Variants in SLC7A7 observed in about 807,000 individuals in gnomAD.
The protein encoded by SLC7A7 is Y+L amino acid transporter 1.
Under a neutral mutation model 47.9 loss-of-function variants are expected in SLC7A7, and 39 were observed. The observed-to-expected ratio is 0.81, with a 90% CI of 0.63 to 1.06. The LOEUF (loss-of-function observed/expected upper bound fraction) is 1.06. Among genes scored for constraint, SLC7A7 ranks in the 50% least tolerant of loss-of-function variants. SLC7A7 has a pLI of 0.00. For missense variants in SLC7A7, 588 were observed against 632.0 expected, an observed-to-expected ratio of 0.93 and a Z score of 0.75; for synonymous variants, 234 against 242.8, an observed-to-expected ratio of 0.96 and a Z score of 0.34.
At chr14:22,814,486 A>G (rs1391901671) in intron 1 of SLC7A7, among the ~76,000 whole-genome samples, 1 of 151,406 alleles carries the variant, frequency 6.6e-6, no homozygotes, top group Non-Finnish European at 1.5e-5. Context: ...CTCTGTCTCA[A>G]AAAAAAAACA....
chr14:22,784,401 C>T (rs189410310), intron 2 of SLC7A7, among the ~76,000 whole-genome samples: 3 of 152,224 alleles, frequency 2.0e-5, no homozygotes, highest in South Asian at 2.1e-4. Flanking sequence ...GGACAGATCA[C>T]GAGGTCAAGA....
At chr14:22,815,594 C>T, upstream of SLC7A7, 4 of 453,970 alleles carry the variant, frequency 8.8e-6, no homozygotes, top group Non-Finnish European at 1.8e-5. Context: ...GCTAGGAGCT[C>T]TTGGCTCAGC....
upstream of SLC7A7, among the ~76,000 whole-genome samples, chr14:22,818,582 G>T (rs114205382): frequency 0.19 from 14,256 of 74,628 alleles, 1,059 homozygotes; most frequent in East Asian, 0.36. Context: ...CCAGGTTTTT[G>T]GTTTTTTTTT....
intron 2 of SLC7A7, among the ~76,000 whole-genome samples, chr14:22,796,406 C>T (rs538877778): frequency 1.4e-4 from 21 of 152,270 alleles, no homozygotes; most frequent in South Asian, 6.2e-4. Context: ...CCACCAGCAC[C>T]CTGAAAGGCA....
Position 22,812,759 on chromosome 14 carries a change from A to G in SLC7A7, c.499+141T>C, listed in dbSNP as rs1342291667. 23 of 563,468 alleles carry G rather than the reference A, an allele frequency of 4.1e-5. 1 individual carries two copies. In the East Asian group the frequency reaches 8.3e-4, roughly 20 times the overall value. 34.9% of individuals were successfully genotyped at this position (563,468 alleles called of 1,614,324 possible). A position where few individuals can be genotyped will look rare whatever the true frequency, so the allele number is the denominator to read the frequency against. On this transcript the variant is annotated intron_variant, in intron 2 of 9. Coordinates refer to ENST00000674313, the MANE Select transcript of SLC7A7 (RefSeq NM_003982.4). Reference sequence around the variant, plus strand: ...TGTGGTACTGTTTGAATTTTCACACAAAGCATACTTTAACTATATATATAT... The same window carrying G: ...TGTGGTACTGTTTGAATTTTCACACGAAGCATACTTTAACTATATATATAT...
At chr14:22,800,515 G>A (rs920537367) in intron 2 of SLC7A7, among the ~76,000 whole-genome samples, 1 of 152,228 alleles carries the variant, frequency 6.6e-6, no homozygotes, top group African/African-American at 2.4e-5. Context: ...CACTTTGGGT[G>A]CTACAACACT....
chr14:22,813,336 A>T lies in SLC7A7; in HGVS notation c.63T>A (p.Gly21=), dbSNP rs1566464647. The T allele has an allele frequency of 6.2e-7, 1 of 1,613,812 alleles. No individual in the cohort carries two copies. Among genetic ancestry groups the T allele is most frequent in the Admixed American group, 1.7e-5 (1 of 59,990 alleles). ...GCTCCGGCCCTGGGCTGGCCCCATC[A>T]CCCAAAGGGGAGGTTTCCACCTCAG... ...SQPEVETSPL[G]DGASPGPEQV... Residue 21 remains glycine, a synonymous_variant, in exon 2 of 10, where the codon GGT becomes GGA. Transcript: ENST00000674313.
At chr14:22,783,873 G>A (rs1421085623) in intron 2 of SLC7A7, among the ~76,000 whole-genome samples, 1 of 152,216 alleles carries the variant, frequency 6.6e-6, no homozygotes, top group African/African-American at 2.4e-5. Flanking sequence ...GAATCCTACA[G>A]AAAGAAACCA....
At chr14:22,804,277 A>G (rs779696691) in intron 2 of SLC7A7, among the ~76,000 whole-genome samples, 8 of 152,216 alleles carry the variant, frequency 5.3e-5, no homozygotes, top group Non-Finnish European at 8.8e-5. Context: ...TTTTATAGCA[A>G]TACCATTCAG....
chr14:22,809,657 T>C (rs2039270674), intron 2 of SLC7A7, among the ~76,000 whole-genome samples: 2 of 151,928 alleles, frequency 1.3e-5, no homozygotes, highest in Non-Finnish European at 2.9e-5. Context: ...GTATTTTTAG[T>C]AGAGAGGGGG....
upstream of SLC7A7, among the ~76,000 whole-genome samples, chr14:22,817,695 T>C (rs994890702): frequency 6.6e-6 from 1 of 152,230 alleles, no homozygotes; most frequent in Non-Finnish European, 1.5e-5. Context: ...CAGGCCGGTC[T>C]TGAACTCCTG....
intron 2 of SLC7A7, among the ~76,000 whole-genome samples, chr14:22,802,082 A>T (rs1267150462): frequency 6.6e-6 from 1 of 152,118 alleles, no homozygotes; most frequent in East Asian, 1.9e-4. Flanking sequence ...CTAAACCAGA[A>T]ACATCATCTC....
intron 2 of SLC7A7, among the ~76,000 whole-genome samples, chr14:22,800,034 A>G (rs1463968436): frequency 6.6e-6 from 1 of 152,032 alleles, no homozygotes. Context: ...ACTCATATCT[A>G]CTCATAGTCC....
At chr14:22,796,281 G>T (rs2039020283) in intron 2 of SLC7A7, among the ~76,000 whole-genome samples, 1 of 152,054 alleles carries the variant, frequency 6.6e-6, no homozygotes, top group Admixed American at 6.6e-5. Flanking sequence ...GCTGCACGAG[G>T]ACACCTGGCC....
chr14:22,795,385 G>GCTTGCTTGCTTTTTCTTTCTTTCTTT (rs1491190196), intron 2 of SLC7A7, among the ~76,000 whole-genome samples: 12 of 14,496 alleles, frequency 8.3e-4, no homozygotes, highest in Admixed American at 1.3e-3. Context: ...TTGCTTGCTT[G>GCTTGCTTGCTTTTTCTTTCTTTCTTT]CTTTCTTTCT....
chr14:22,795,767 C>T (rs1481344860), intron 2 of SLC7A7, among the ~76,000 whole-genome samples: 1 of 152,120 alleles, frequency 6.6e-6, no homozygotes, highest in African/African-American at 2.4e-5. Context: ...GCCACCGTGC[C>T]CGGCCTTGTT....
chr14:22,778,950 A>T lies in SLC7A7; in HGVS notation c.626-13T>A, dbSNP rs1352954823. 1.2e-6 allele frequency: 2 copies of T among 1,613,680 alleles called. No individual in the cohort carries two copies. The highest frequency in any genetic ancestry group is 3.3e-5 in the Admixed American group (2 of 59,992). Reference sequence around the variant, plus strand: ...TGAGTAGAGGCTCCTGGAACCCAAGAACATTGGAAGGCAGGGGATTAGTGG... The same window carrying T: ...TGAGTAGAGGCTCCTGGAACCCAAGTACATTGGAAGGCAGGGGATTAGTGG... On this transcript the variant is annotated splice_polypyrimidine_tract_variant and intron_variant, in intron 3 of 9. Transcript: ENST00000674313.
In SLC7A7 at chr14:22,813,156, G is replaced by C; in HGVS notation, c.243C>G (p.Leu81=). ...LSLVIWAVGG[L]FSVFGALCYA... is the part of the protein sequence containing the mutation. ...AACAAAGGGCCCCAAAGACGGAGAA[G>C]AGGCCCCCGACAGCCCAGATGACCA... Residue 81 remains leucine, a synonymous_variant, in exon 2 of 10, where the codon CTC becomes CTG. Transcript: ENST00000674313. The C allele has an allele frequency of 6.2e-7, 1 of 1,614,194 alleles. No individual in the cohort carries two copies. The highest frequency in any genetic ancestry group is 8.5e-7 in the Non-Finnish European group (1 of 1,180,038).
intron 2 of SLC7A7, among the ~76,000 whole-genome samples, chr14:22,810,524 T>C (rs1477501040): frequency 6.6e-6 from 1 of 150,794 alleles, no homozygotes; most frequent in Non-Finnish European, 1.5e-5. Flanking sequence ...TTAGAAATAT[T>C]ACTTAGATGA....
Sources: gnomAD v4.1 joint callset for allele counts (sites outside exome capture counted in the v4.1 genomes callset) on GRCh38, gnomAD v4.1.1 for gene constraint, MANE v1.5 for transcripts, NCBI Gene and HGNC (gene_info 2026-07-23, HGNC 2026-07-21) for gene names.